The following EHD4 variants were observed in gnomAD, a reference collection of about 807,000 sequenced individuals.
The protein encoded by EHD4 is EH domain containing 4, also known as EH domain-containing protein 4.
Under a neutral mutation model 51.0 loss-of-function variants are expected in EHD4, and 37 were observed. The observed-to-expected ratio is 0.73, with a 90% CI of 0.56 to 0.95. EHD4 has a LOEUF of 0.95. Ranked by LOEUF, EHD4 falls within the 40% of genes least tolerant of loss-of-function variation. The probability of loss-of-function intolerance (pLI) is 0.00; values close to 1 mark genes in which losing one functional copy is unlikely to be tolerated. For missense variants in EHD4, 632 were observed against 733.1 expected, an observed-to-expected ratio of 0.86 and a Z score of 1.59; for synonymous variants, 297 against 317.3, an observed-to-expected ratio of 0.94 and a Z score of 0.68.
chr15:41,943,022 G>T, intron 3 of EHD4, 45 bp downstream of exon 3: 1 of 1,452,184 alleles, frequency 6.9e-7, no homozygotes, highest in Non-Finnish European at 9.5e-7. Flanking sequence ...AGCAGAGAGG[G>T]CCTCAGCCAG....
At chr15:41,955,844 C>A (rs1382564377) in intron 1 of EHD4, among the ~76,000 whole-genome samples, 2 of 152,176 alleles carry the variant, frequency 1.3e-5, no homozygotes, top group Non-Finnish European at 2.9e-5. Context: ...GGTTTTACAG[C>A]CCCTCTGGGA....
At chr15:41,971,511 T>G (rs1236149820) in intron 1 of EHD4, among the ~76,000 whole-genome samples, 1 of 152,268 alleles carries the variant, frequency 6.6e-6, no homozygotes, top group Admixed American at 6.5e-5. Flanking sequence ...CCACAGGGTA[T>G]GCACAGTGAT....
At position 41,962,770 on chromosome 15, in the gene EHD4, G is replaced by A. The variant is rs191527389; in HGVS notation, c.237-8830C>T. ...TGGGAAGTGAGGAGCCCCTCTGCCC[G>A]GCCGCCACCCTGTCTGGGAGGTGTA... On this transcript the variant is annotated intron_variant, in intron 1 of 5. Coordinates refer to ENST00000220325, the MANE Select transcript of EHD4 (RefSeq NM_139265.4). Among the ~76,000 whole-genome samples, 119 of 152,128 alleles carry A rather than the reference G, an allele frequency of 7.8e-4. 2 individuals carry two copies. In the East Asian group the frequency reaches 0.02, roughly 26 times the overall value.
chr15:41,931,038 G>T (rs1411176060), intron 3 of EHD4, among the ~76,000 whole-genome samples: 2 of 152,128 alleles, frequency 1.3e-5, no homozygotes, highest in Admixed American at 6.5e-5. Context: ...GGCATTTTTG[G>T]CACCAGCTAA....
chr15:41,909,497 C>T (rs1397288436), intron 5 of EHD4, among the ~76,000 whole-genome samples: 1 of 152,228 alleles, frequency 6.6e-6, no homozygotes, highest in Non-Finnish European at 1.5e-5. Flanking sequence ...TACCTTTGGC[C>T]ATGTGTTTCC....
At chr15:41,941,062 C>T (rs1019859742) in intron 3 of EHD4, among the ~76,000 whole-genome samples, 68 of 152,282 alleles carry the variant, frequency 4.5e-4, no homozygotes, top group African/African-American at 1.6e-3. Context: ...ATTATCCATA[C>T]TATCTGCAGA....
intron 1 of EHD4, among the ~76,000 whole-genome samples, chr15:41,958,576 G>GA (rs1332728582): frequency 6.6e-6 from 1 of 151,246 alleles, no homozygotes; most frequent in Admixed American, 6.6e-5. Context: ...ACAAGGGGAA[G>GA]AAAAAAAACT....
At chr15:41,902,834 C>CATGTGTATAT (rs1419041958) in intron 5 of EHD4, among the ~76,000 whole-genome samples, 1 of 105,528 alleles carries the variant, frequency 9.5e-6, no homozygotes, top group Non-Finnish European at 2.1e-5. Flanking sequence ...TATATATATA[C>CATGTGTATAT]ATATGTATAT....
At chr15:41,909,358 C>T (rs1045649700) in intron 5 of EHD4, among the ~76,000 whole-genome samples, 1 of 152,204 alleles carries the variant, frequency 6.6e-6, no homozygotes, top group African/African-American at 2.4e-5. Flanking sequence ...CCCAAGGTGA[C>T]CCTGAAGGCC....
rs2067447477 is a variant in EHD4 at position 41,897,532 on chromosome 15, A to AAATGAATTGACAGAC, written c.*3098_*3112dup. On this transcript the variant is annotated 3_prime_UTR_variant, in exon 6 of 6. Coordinates refer to ENST00000220325, the MANE Select transcript of EHD4 (RefSeq NM_139265.4). ...GGCCATCCAAGTGCGGTGAGTTGAG[A>AAATGAATTGACAGAC]AATGAATTGACAGACGCTGCAGGGC... 1 of 152,308 alleles carries AAATGAATTGACAGAC rather than the reference A, an allele frequency of 6.6e-6. No individual in the cohort carries two copies. Among genetic ancestry groups the AAATGAATTGACAGAC allele is most frequent in the African/African-American group, 2.4e-5 (1 of 41,460 alleles). The allele number at this position is 152,308 out of a possible 1,614,324, so 9.4% of individuals were successfully genotyped here.
At chr15:41,958,225 C>G (rs150883712) in intron 1 of EHD4, among the ~76,000 whole-genome samples, 10 of 152,124 alleles carry the variant, frequency 6.6e-5, no homozygotes, top group Admixed American at 3.3e-4. Context: ...TTTGCTCCCC[C>G]TTTCCTGTGT....
At chr15:41,912,866 A>G (rs1395084164) in intron 4 of EHD4, among the ~76,000 whole-genome samples, 1 of 152,210 alleles carries the variant, frequency 6.6e-6, no homozygotes, top group Admixed American at 6.5e-5. Flanking sequence ...AGCTGGCACT[A>G]GCATCCAAGT....
rs756507905 is a variant in EHD4, at chr15:41,900,954, C to T, written c.1317G>A (p.Glu439=). ...YGEGAKEGAD[E]EEWVVAKDKP... ...TGTCTTTGGCCACGACCCACTCCTC[C>T]TCGTCGGCGCCCTCCTTGGCACCCT... The change falls in exon 6 of 6, where the codon GAG becomes GAA. Residue 439 remains glutamate, a synonymous_variant. Transcript: ENST00000220325. This position sits in a 1 kb window ranked among gnomAD's most constrained non-coding sequence, Gnocchi z 4.8. 3.1e-6 allele frequency: 5 copies of T among 1,613,162 alleles called. No homozygotes were observed. In the Admixed American group the frequency reaches 8.3e-5, roughly 27 times the overall value.
chr15:41,911,645 T>C (rs1248703474), intron 4 of EHD4, among the ~76,000 whole-genome samples: 3 of 152,156 alleles, frequency 2.0e-5, no homozygotes, highest in Non-Finnish European at 2.9e-5. Context: ...GTTCTCTATG[T>C]ATACCTATGT....
chr15:41,930,067 T>A (rs1040332301), intron 3 of EHD4, among the ~76,000 whole-genome samples: 6 of 152,232 alleles, frequency 3.9e-5, no homozygotes, highest in African/African-American at 1.4e-4. Flanking sequence ...TTTCTATAGG[T>A]GTAATTAGTT....
At chr15:41,919,699 C>T (rs926368496) in intron 3 of EHD4, 77 bp from the exon 4 acceptor site, 29 of 1,370,946 alleles carry the variant, frequency 2.1e-5, no homozygotes, top group African/African-American at 4.4e-5. Flanking sequence ...GGAACAGTCT[C>T]GCTCTCCAGC....
chr15:41,934,976 T>C (rs1043727410), intron 3 of EHD4, among the ~76,000 whole-genome samples: 1 of 152,172 alleles, frequency 6.6e-6, no homozygotes, highest in African/African-American at 2.4e-5. Flanking sequence ...GAAAAATCTA[T>C]GCACTTCCCC....
At chr15:41,913,797 TG>T (rs557324527) in intron 4 of EHD4, among the ~76,000 whole-genome samples, 1 of 152,196 alleles carries the variant, frequency 6.6e-6, no homozygotes, top group Non-Finnish European at 1.5e-5. Flanking sequence ...CATTGACCCC[TG>T]GGGGCTTTTG....
intron 3 of EHD4, among the ~76,000 whole-genome samples, chr15:41,929,799 T>G (rs1711682365): frequency 6.6e-6 from 1 of 152,146 alleles, no homozygotes; most frequent in African/African-American, 2.4e-5. Context: ...ACAGTAAGCT[T>G]CTTTGAAATA....
Sources: gnomAD v4.1 joint callset for allele counts (sites outside exome capture counted in the v4.1 genomes callset) on GRCh38, gnomAD v4.1.1 for gene constraint, Gnocchi (gnomAD v3.1) non-coding constraint, MANE v1.5 for transcripts, NCBI Gene and HGNC (gene_info 2026-07-23, HGNC 2026-07-21) for gene names.